LGSN: variants seen among roughly 807,000 people sequenced by gnomAD.
LGSN encodes the protein lengsin, lens protein with glutamine synthetase domain, also known as lengsin.
A neutral mutation model predicts 19.5 loss-of-function variants in LGSN; 21 were observed. That is an observed-to-expected ratio of 1.07 (90% CI 0.76 to 1.55). LGSN has a LOEUF of 1.55. LGSN is among the 40% of genes most tolerant of loss of function. The probability of loss-of-function intolerance (pLI) is 0.00; values close to 1 mark genes in which losing one functional copy is unlikely to be tolerated. For synonymous variants in LGSN, 257 were observed against 215.6 expected, an observed-to-expected ratio of 1.19 and a Z score of -1.68; for missense variants, 673 against 608.5, an observed-to-expected ratio of 1.11 and a Z score of -1.12.
the LGSN span, among the ~76,000 whole-genome samples, chr6:63,465,162 A>G: frequency 2.6e-5 from 4 of 151,516 alleles, no homozygotes; most frequent in African/African-American, 7.3e-5. Context: ...CTGCGCGTCT[A>G]TTTCCTTTTC....
the LGSN span, among the ~76,000 whole-genome samples, chr6:63,415,838 A>G: frequency 6.6e-6 from 1 of 152,194 alleles, no homozygotes; most frequent in East Asian, 1.9e-4. Flanking sequence ...ACTCCCATAG[A>G]TGTTGAGTAG....
At chr6:63,440,324 C>A in the LGSN span, among the ~76,000 whole-genome samples, 1 of 152,160 alleles carries the variant, frequency 6.6e-6, no homozygotes. Context: ...GTGGAGGAGC[C>A]TGGCCTCCTC....
At chr6:63,407,841 C>A in the LGSN span, among the ~76,000 whole-genome samples, 166 of 152,280 alleles carry the variant, frequency 1.1e-3, no homozygotes, top group African/African-American at 3.8e-3. Flanking sequence ...TCTCAGGATA[C>A]AAAATCAATG....
chr6:63,537,163 G>T, the LGSN span, among the ~76,000 whole-genome samples: 1 of 152,138 alleles, frequency 6.6e-6, no homozygotes, highest in Non-Finnish European at 1.5e-5. Flanking sequence ...CCATTCTTAA[G>T]TTTACAAGTA....
intron 3 of LGSN, 60 bp downstream of exon 3, chr6:63,285,524 TAAG>T (rs1198266816): frequency 7.1e-6 from 9 of 1,261,826 alleles, no homozygotes; most frequent in African/African-American, 1.5e-5. Context: ...GAAAGAGTAA[TAAG>T]AACTGTTTGC....
At chr6:63,367,091 G>A in the LGSN span, among the ~76,000 whole-genome samples, 2 of 152,144 alleles carry the variant, frequency 1.3e-5, no homozygotes, top group Non-Finnish European at 2.9e-5. Flanking sequence ...TTGACAAATA[G>A]GATCTAATTA....
chr6:63,435,599 G>A, the LGSN span, among the ~76,000 whole-genome samples: 1 of 149,940 alleles, frequency 6.7e-6, no homozygotes, highest in Non-Finnish European at 1.5e-5. Context: ...TGACTTCTCT[G>A]CTTAAAAATA....
At chr6:63,524,931 A>AT in the LGSN span, among the ~76,000 whole-genome samples, 2 of 152,224 alleles carry the variant, frequency 1.3e-5, no homozygotes, top group African/African-American at 2.4e-5. Flanking sequence ...TCATATAAGC[A>AT]TTTTTTATGA....
At chr6:63,447,499 T>G in the LGSN span, among the ~76,000 whole-genome samples, 2 of 152,222 alleles carry the variant, frequency 1.3e-5, no homozygotes, top group Non-Finnish European at 2.9e-5. Context: ...GTTAGTAATA[T>G]GTATATGAAA....
the LGSN span, chr6:63,570,889 T>C: frequency 1.3e-5 from 2 of 152,348 alleles, no homozygotes; most frequent in Admixed American, 1.3e-4. Context: ...TTAGTTCTTA[T>C]ATATGAAATC....
the LGSN span, among the ~76,000 whole-genome samples, chr6:63,429,564 C>T: frequency 6.6e-6 from 1 of 152,006 alleles, no homozygotes; most frequent in Non-Finnish European, 1.5e-5. Flanking sequence ...GGTGAAACCC[C>T]ATCTCTACTA....
At chr6:63,337,420 T>C in the LGSN span, among the ~76,000 whole-genome samples, 1 of 151,670 alleles carries the variant, frequency 6.6e-6, no homozygotes, top group Non-Finnish European at 1.5e-5. Context: ...GAGGTTACAG[T>C]GAGCCAAGAT....
chr6:63,425,529 G>C, the LGSN span, among the ~76,000 whole-genome samples: 1 of 152,142 alleles, frequency 6.6e-6, no homozygotes, highest in Admixed American at 6.5e-5. Context: ...ATCCCAAAAG[G>C]TTACATACTG....
At chr6:63,320,122 G>T, upstream of LGSN, 1 of 572,094 alleles carries the variant, frequency 1.7e-6, no homozygotes. Context: ...TCATGCCCAA[G>T]GCACAGTATG....
chr6:63,437,755 C>A, the LGSN span, among the ~76,000 whole-genome samples: 1 of 152,100 alleles, frequency 6.6e-6, no homozygotes, highest in Admixed American at 6.5e-5. Context: ...CATAGTGAAA[C>A]CCTGTCTCTA....
At chr6:63,484,676 G>A in the LGSN span, among the ~76,000 whole-genome samples, 1 of 152,166 alleles carries the variant, frequency 6.6e-6, no homozygotes, top group African/African-American at 2.4e-5. Flanking sequence ...TTTCAGATTG[G>A]CACTGCAGTT....
At chr6:63,449,405 C>T in the LGSN span, among the ~76,000 whole-genome samples, 5 of 151,874 alleles carry the variant, frequency 3.3e-5, no homozygotes, top group East Asian at 1.9e-4. Context: ...ACTAGCCGGG[C>T]GTGGTGGTGG....
chr6:63,323,559 TACACACACACAC>T (rs58400159), upstream of LGSN, among the ~76,000 whole-genome samples: 408 of 132,820 alleles, frequency 3.1e-3, 2 homozygotes, highest in South Asian at 0.021. Flanking sequence ...AAACCTCATA[TACACACACACAC>T]ACACACACAC....
chr6:63,427,563 T>A, the LGSN span, among the ~76,000 whole-genome samples: 2 of 152,200 alleles, frequency 1.3e-5, no homozygotes, highest in Non-Finnish European at 2.9e-5. Flanking sequence ...TTTGAAATGT[T>A]TGGAAAACAA....
Sources: allele counts gnomAD v4.1 joint callset (sites outside exome capture counted in the v4.1 genomes callset), GRCh38; gene constraint gnomAD v4.1.1; transcripts MANE v1.5; gene names NCBI Gene and HGNC (gene_info 2026-07-23, HGNC 2026-07-21).